The following EPHA6 variants were observed in gnomAD, a reference collection of about 807,000 sequenced individuals.
The protein encoded by EPHA6 is ephrin type-A receptor 6.
Under a neutral mutation model 112.0 loss-of-function variants are expected in EPHA6, and 50 were observed. That is an observed-to-expected ratio of 0.45 (90% CI 0.36 to 0.56). EPHA6 has a LOEUF of 0.56. Ranked by LOEUF, EPHA6 falls within the 20% of genes least tolerant of loss-of-function variation. The probability of loss-of-function intolerance (pLI) is 0.00; values close to 1 mark genes in which losing one functional copy is unlikely to be tolerated. For synonymous variants in EPHA6, 529 were observed against 490.7 expected (o/e 1.08, Z -1.03); for missense variants, 1,280 against 1,417.4 (o/e 0.90, Z 1.56).
chr3:97,415,793 G>GA (rs1341778748), intron 6 of EPHA6, among the ~76,000 whole-genome samples: 2 of 151,980 alleles, frequency 1.3e-5, no homozygotes, highest in Non-Finnish European at 2.9e-5. Flanking sequence ...TAAGCTCCCT[G>GA]AAAAAATTAC....
At chr3:97,603,643 T>A (rs1002220286) in intron 12 of EPHA6, among the ~76,000 whole-genome samples, 4 of 151,914 alleles carry the variant, frequency 2.6e-5, no homozygotes, top group African/African-American at 9.7e-5. Flanking sequence ...CAAAAATCTG[T>A]AAACAGAGTG....
intron 15 of EPHA6, among the ~76,000 whole-genome samples, chr3:97,731,307 T>G (rs982824196): frequency 5.9e-5 from 9 of 151,910 alleles, no homozygotes; most frequent in Non-Finnish European, 1.3e-4. Flanking sequence ...GCGGGTTTAG[T>G]TTTGCACAAA....
At chr3:97,190,714 T>G (rs972332097) in intron 3 of EPHA6, among the ~76,000 whole-genome samples, 1 of 152,138 alleles carries the variant, frequency 6.6e-6, no homozygotes, top group Middle Eastern at 3.4e-3. Flanking sequence ...CACATACTTA[T>G]TTTTTGTGGA....
At chr3:97,104,691 T>G (rs143850196) in intron 3 of EPHA6, among the ~76,000 whole-genome samples, 1 of 152,228 alleles carries the variant, frequency 6.6e-6, no homozygotes, top group Admixed American at 6.6e-5. Context: ...CCGCCTCAAT[T>G]TTTGGTAACA....
At chr3:97,425,686 A>G (rs2089058256) in intron 6 of EPHA6, among the ~76,000 whole-genome samples, 1 of 152,094 alleles carries the variant, frequency 6.6e-6, no homozygotes, top group South Asian at 2.1e-4. Flanking sequence ...ACTTATGCAA[A>G]TTTCTGCAGG....
intron 3 of EPHA6, among the ~76,000 whole-genome samples, chr3:97,082,771 A>G (rs1370427687): frequency 6.6e-6 from 1 of 151,940 alleles, no homozygotes; most frequent in East Asian, 1.9e-4. Context: ...CTGGGGCACA[A>G]TCAGTACTGC....
At position 97,749,426 on chromosome 3, in the gene EPHA6, C is replaced by G. The variant is rs2035840429; in HGVS notation, c.*725C>G. On this transcript the variant is annotated 3_prime_UTR_variant, in exon 18 of 18. Transcript: ENST00000389672. ...AGGTGGTAGTTTAAAGGCTTTTCAC[C>G]TCTAATTTTATTTATTTATTTATTT... is the stretch of plus-strand genomic sequence containing the variant. Among the ~76,000 whole-genome samples, 1 of 151,974 alleles carries G rather than the reference C, an allele frequency of 6.6e-6. No individual in the cohort carries two copies. Among genetic ancestry groups the G allele is most frequent in the Non-Finnish European group, 1.5e-5 (1 of 67,986 alleles).
At chr3:96,881,310 C>T (rs1186888788) in intron 2 of EPHA6, among the ~76,000 whole-genome samples, 3 of 152,110 alleles carry the variant, frequency 2.0e-5, no homozygotes, top group Non-Finnish European at 2.9e-5. Flanking sequence ...TTATTGTAGT[C>T]AAAGTTCCAC....
At chr3:97,010,132 A>G (rs2044033578) in intron 3 of EPHA6, 3 of 1,236,060 alleles carry the variant, frequency 2.4e-6, no homozygotes, top group East Asian at 1.1e-4. Flanking sequence ...TTTACAGCCA[A>G]AATTTGTTTT....
intron 11 of EPHA6, among the ~76,000 whole-genome samples, chr3:97,542,559 G>A (rs2092876625): frequency 6.6e-6 from 1 of 152,144 alleles, no homozygotes; most frequent in Admixed American, 6.5e-5. Flanking sequence ...AAACATACGT[G>A]TGCATGTGTC....
rs780505020 is a variant in EPHA6 at position 97,479,363 on chromosome 3, T to TTGTAAGTATGCCC, written c.2074+7_2074+8insTGCCCTGTAAGTA. On this transcript the variant is annotated frameshift_variant and splice_region_variant, in exon 9 of 18. Coordinates refer to ENST00000389672, the MANE Select transcript of EPHA6 (RefSeq NM_001080448.3). LOFTEE classifies it high-confidence loss of function. ...GAAGAAACCACTTACAGAATGGGCA[T>TTGTAAGTATGCCC]TGTAAGTAGCGCAGGGACTTTCTTT... 6.3e-7 allele frequency: 1 copy of TTGTAAGTATGCCC among 1,599,654 alleles called. No homozygotes were observed. Among genetic ancestry groups the TTGTAAGTATGCCC allele is most frequent in the Non-Finnish European group, 8.5e-7 (1 of 1,172,992 alleles).
chr3:97,115,659 T>C (rs535973562), intron 3 of EPHA6, among the ~76,000 whole-genome samples: 9 of 151,708 alleles, frequency 5.9e-5, no homozygotes, highest in East Asian at 3.9e-4. Context: ...AGAATGAGAA[T>C]AGAGAGAAAA....
chr3:97,104,111 C>T (rs1576494632), intron 3 of EPHA6, among the ~76,000 whole-genome samples: 1 of 152,120 alleles, frequency 6.6e-6, no homozygotes, highest in East Asian at 1.9e-4. Context: ...TTTTAACCTC[C>T]TCTCTTCCTA....
intron 14 of EPHA6, among the ~76,000 whole-genome samples, chr3:97,691,289 C>T (rs2032649606): frequency 6.6e-6 from 1 of 152,130 alleles, no homozygotes; most frequent in African/African-American, 2.4e-5. Flanking sequence ...AATTCTATTC[C>T]ATTGACTTGT....
At chr3:97,425,221 C>G (rs1427388745) in intron 6 of EPHA6, among the ~76,000 whole-genome samples, 1 of 152,218 alleles carries the variant, frequency 6.6e-6, no homozygotes, top group East Asian at 1.9e-4. Context: ...CAGTACCCCA[C>G]TGGGGACTCT....
At chr3:97,081,834 A>T (rs2046729546) in intron 3 of EPHA6, among the ~76,000 whole-genome samples, 1 of 151,380 alleles carries the variant, frequency 6.6e-6, no homozygotes, top group African/African-American at 2.4e-5. Context: ...ATATTTTTAA[A>T]ATAATGTTAG....
intron 2 of EPHA6, among the ~76,000 whole-genome samples, chr3:96,943,298 AGAAAT>A (rs1248160740): frequency 6.6e-6 from 1 of 152,142 alleles, no homozygotes; most frequent in Non-Finnish European, 1.5e-5. Context: ...CTCACCAAAA[AGAAAT>A]GATAAATTTT....
At chr3:97,722,702 A>G (rs2034584205) in intron 15 of EPHA6, among the ~76,000 whole-genome samples, 1 of 152,140 alleles carries the variant, frequency 6.6e-6, no homozygotes, top group African/African-American at 2.4e-5. Context: ...AAGCAAGAGA[A>G]GAGGATAAGA....
intron 1 of EPHA6, among the ~76,000 whole-genome samples, chr3:96,824,160 C>A (rs966908852): frequency 1.1e-4 from 17 of 150,830 alleles, no homozygotes; most frequent in Non-Finnish European, 3.0e-5. Context: ...ACTTTACGAC[C>A]AGCAATCTAT....
Sources: gnomAD v4.1 joint callset for allele counts (sites outside exome capture counted in the v4.1 genomes callset) on GRCh38, gnomAD v4.1.1 for gene constraint, MANE v1.5 for transcripts, NCBI Gene and HGNC (gene_info 2026-07-23, HGNC 2026-07-21) for gene names.